RSPH14: variants seen among roughly 807,000 people sequenced by gnomAD.
RSPH14 encodes the protein rhabdoid tumor deletion region gene 1.
Under a neutral mutation model 26.7 loss-of-function variants are expected in RSPH14, and 20 were observed. The observed-to-expected ratio is 0.75, with a 90% CI of 0.53 to 1.09. The LOEUF is 1.09. Ranked by LOEUF, RSPH14 falls within the 50% of genes least tolerant of loss-of-function variation. RSPH14 has a pLI of 0.00. For missense variants in RSPH14, 449 were observed against 457.2 expected, an observed-to-expected ratio of 0.98 and a Z score of 0.16; for synonymous variants, 177 against 189.3, an observed-to-expected ratio of 0.93 and a Z score of 0.53.
chr22:23,061,892 A>G lies in RSPH14; in HGVS notation c.707T>C (p.Leu236Pro). 1 of 1,614,204 alleles carries G rather than the reference A, an allele frequency of 6.2e-7. No homozygotes were observed. Among genetic ancestry groups the G allele is most frequent in the Non-Finnish European group, 8.5e-7 (1 of 1,180,016 alleles). Residue 236 changes from leucine (L) to proline (P), a missense_variant, in exon 6 of 7, where the codon CTG becomes CCG. Transcript: ENST00000216036. ...QVCHFDVIPI[L>P]VHLLKDPVEH... is the part of the protein sequence containing the mutation. ...CACTGGGTCTTTCAGCAGATGGACC[A>G]GGATGGGGATGACGTCAAAATGACA...
At chr22:23,066,373 T>G (rs2068211274) in intron 4 of RSPH14, among the ~76,000 whole-genome samples, 1 of 152,058 alleles carries the variant, frequency 6.6e-6, no homozygotes, top group Non-Finnish European at 1.5e-5. Context: ...CTCTCCTTGG[T>G]GAGGAAACTG....
intron 3 of RSPH14, among the ~76,000 whole-genome samples, chr22:23,136,476 A>G (rs1292743068): frequency 7.3e-6 from 1 of 137,720 alleles, no homozygotes; most frequent in African/African-American, 2.6e-5. Context: ...AGAACGCTGA[A>G]GGAGTGCACG....
upstream of RSPH14, among the ~76,000 whole-genome samples, chr22:23,143,582 C>A (rs1273237807): frequency 6.6e-6 from 1 of 152,168 alleles, no homozygotes; most frequent in African/African-American, 2.4e-5. Context: ...ACTGCCCTAG[C>A]CAGATCCCCT....
intron 6 of RSPH14, among the ~76,000 whole-genome samples, chr22:23,060,999 A>G (rs1358353662): frequency 6.6e-6 from 1 of 152,152 alleles, no homozygotes; most frequent in East Asian, 1.9e-4. Flanking sequence ...CCGTGCAGTC[A>G]GCATCCTGAC....
chr22:23,097,985 C>A (rs1366083226), intron 4 of RSPH14, among the ~76,000 whole-genome samples: 1 of 152,254 alleles, frequency 6.6e-6, no homozygotes, highest in African/African-American at 2.4e-5. Flanking sequence ...AGGCAGGATA[C>A]CTGGGTCCTG....
chr22:23,158,556 C>A, the RSPH14 span, among the ~76,000 whole-genome samples: 1 of 152,226 alleles, frequency 6.6e-6, no homozygotes, highest in Admixed American at 6.5e-5. Flanking sequence ...GGGGCATTCA[C>A]ACCCAGCAAC....
chr22:23,097,081 C>T (rs1422279843), intron 4 of RSPH14, among the ~76,000 whole-genome samples: 2 of 152,116 alleles, frequency 1.3e-5, no homozygotes, highest in Non-Finnish European at 2.9e-5. Flanking sequence ...CGGTGGAGGC[C>T]GTGGCAGGCA....
chr22:23,179,360 T>C, the RSPH14 span, among the ~76,000 whole-genome samples: 1 of 152,070 alleles, frequency 6.6e-6, no homozygotes, highest in Non-Finnish European at 1.5e-5. Context: ...CTGGTTTGGG[T>C]ATTTTCAGTT....
chr22:23,069,190 C>T (rs2068280075), intron 4 of RSPH14, among the ~76,000 whole-genome samples: 1 of 152,204 alleles, frequency 6.6e-6, no homozygotes, highest in South Asian at 2.1e-4. Context: ...CACCACAGAG[C>T]TATGATGGAG....
intron 4 of RSPH14, among the ~76,000 whole-genome samples, chr22:23,068,823 G>A (rs2068270691): frequency 6.6e-6 from 1 of 152,236 alleles, no homozygotes; most frequent in African/African-American, 2.4e-5. Context: ...CAGCCAGGTA[G>A]CACAGCTGCC....
intron 4 of RSPH14, among the ~76,000 whole-genome samples, chr22:23,075,007 A>T (rs376051229): frequency 2.4e-3 from 368 of 152,338 alleles, no homozygotes; most frequent in Non-Finnish European, 4.0e-3. Context: ...TCTCTACAAA[A>T]GTAAAACTAA....
At chr22:23,169,814 G>T in the RSPH14 span, among the ~76,000 whole-genome samples, 3 of 152,156 alleles carry the variant, frequency 2.0e-5, no homozygotes, top group African/African-American at 7.2e-5. Context: ...TTAGAAAAAG[G>T]TACCTTGGCT....
At chr22:23,093,489 A>C (rs981552166) in intron 4 of RSPH14, among the ~76,000 whole-genome samples, 1 of 152,188 alleles carries the variant, frequency 6.6e-6, no homozygotes, top group Non-Finnish European at 1.5e-5. Flanking sequence ...GGCAGCACAC[A>C]AGGTCATGTA....
At chr22:23,111,084 G>A (rs1195492252) in intron 4 of RSPH14, among the ~76,000 whole-genome samples, 16 of 152,224 alleles carry the variant, frequency 1.1e-4, no homozygotes, top group Non-Finnish European at 1.6e-4. Context: ...GGGGGCCTGC[G>A]CGCCTTCCCT....
chr22:23,061,797 C>A lies in RSPH14; in HGVS notation c.790+12G>T, dbSNP rs775160616. The A allele has an allele frequency of 1.9e-6, 3 of 1,613,672 alleles. No individual in the cohort carries two copies. Among genetic ancestry groups the A allele is most frequent in the Admixed American group, 1.7e-5 (1 of 60,008 alleles). On this transcript the variant is annotated intron_variant, in intron 6 of 6. Coordinates refer to ENST00000216036, the MANE Select transcript of RSPH14 (RefSeq NM_014433.3). ...AGGGTCTCCCTCCCTGCGGCACCCC[C>A]CACCGCCTCACCTTCAGTGATCACT...
At chr22:23,078,284 C>T (rs1170459030) in intron 4 of RSPH14, among the ~76,000 whole-genome samples, 2 of 152,242 alleles carry the variant, frequency 1.3e-5, no homozygotes, top group African/African-American at 4.8e-5. Flanking sequence ...TCTTTGTCCT[C>T]GGCCAAAATC....
chr22:23,116,881 C>T (rs1308263566), intron 4 of RSPH14, among the ~76,000 whole-genome samples: 1 of 152,100 alleles, frequency 6.6e-6, no homozygotes, highest in African/African-American at 2.4e-5. Flanking sequence ...GCAAATATGC[C>T]GCACCTGGGA....
At chr22:23,070,115 G>T (rs867428930) in intron 4 of RSPH14, among the ~76,000 whole-genome samples, 3 of 152,026 alleles carry the variant, frequency 2.0e-5, no homozygotes, top group African/African-American at 7.2e-5. Context: ...GGACTGCGGC[G>T]CGCGCGGAGC....
intron 4 of RSPH14, among the ~76,000 whole-genome samples, chr22:23,085,425 AG>A (rs1270150588): frequency 6.6e-6 from 1 of 152,178 alleles, no homozygotes; most frequent in Non-Finnish European, 1.5e-5. Flanking sequence ...TGATCATAGC[AG>A]GTTGAGTGAC....
Sources: allele counts gnomAD v4.1 joint callset (sites outside exome capture counted in the v4.1 genomes callset), GRCh38; gene constraint gnomAD v4.1.1; transcripts MANE v1.5; gene names NCBI Gene and HGNC (gene_info 2026-07-23, HGNC 2026-07-21).